POLDIP3: variants seen among roughly 807,000 people sequenced by gnomAD.
POLDIP3 encodes the protein polymerase delta-interacting protein 3.
In POLDIP3, 14 loss-of-function variants were observed where a neutral mutation model predicts 45.1. The observed-to-expected ratio is 0.31, with a 90% CI of 0.20 to 0.49. The LOEUF (loss-of-function observed/expected upper bound fraction) is 0.49, where lower values mean the gene tolerates loss of function less well. Among genes scored for constraint, POLDIP3 ranks in the 20% least tolerant of loss-of-function variants. The pLI is 0.99. For synonymous variants in POLDIP3, 223 were observed against 205.2 expected (o/e 1.09, Z -0.74); for missense variants, 511 against 538.8 (o/e 0.95, Z 0.51).
Position 42,584,679 on chromosome 22 carries a change from GC to G in POLDIP3, c.*1111del. 2 of 353,170 alleles carry G rather than the reference GC, an allele frequency of 5.7e-6. No homozygotes were observed. Among genetic ancestry groups the G allele is most frequent in the Non-Finnish European group, 1.1e-5 (2 of 180,482 alleles). The allele number at this position is 353,170 out of a possible 1,614,324, so 21.9% of individuals were successfully genotyped here. The stretch of plus-strand genomic sequence containing the variant: ...CTGGGGAAACACCTTGCCTGGTAGA[GC>G]TGCCCTGCTCCCTTGACTCCTCCTC... On this transcript the variant is annotated 3_prime_UTR_variant, in exon 9 of 9. Transcript: ENST00000252115.
intron 7 of POLDIP3, among the ~76,000 whole-genome samples, chr22:42,588,644 T>C (rs1925471908): frequency 6.7e-6 from 1 of 150,368 alleles, no homozygotes; most frequent in South Asian, 2.1e-4. Context: ...TTTTTTTTTT[T>C]TGAGATGGAG....
intron 1 of POLDIP3, among the ~76,000 whole-genome samples, chr22:42,609,772 G>A (rs1277525746): frequency 1.3e-5 from 2 of 152,172 alleles, no homozygotes; most frequent in Non-Finnish European, 2.9e-5. Context: ...GTTTAGGTGT[G>A]TGTTTAGGTC....
At chr22:42,591,851 A>T (rs1055656518) in intron 7 of POLDIP3, 104 bp downstream of exon 7, 1 of 1,474,316 alleles carries the variant, frequency 6.8e-7, no homozygotes. Flanking sequence ...GGCCCCAGAG[A>T]TGGGTTCCAC....
intron 8 of POLDIP3, 87 bp downstream of exon 8, chr22:42,587,419 G>C: frequency 1.5e-6 from 2 of 1,312,572 alleles, no homozygotes; most frequent in Non-Finnish European, 2.2e-6. Context: ...GGGATGAAGG[G>C]GAGCTGTGAT....
rs769021753 is a variant in POLDIP3, at chr22:42,603,024, G to T, written c.196C>A (p.Arg66=). 2 of 1,614,098 alleles carry T rather than the reference G, an allele frequency of 1.2e-6. No homozygotes were observed. The highest frequency in any genetic ancestry group is 2.2e-5 in the South Asian group (2 of 91,076). ...GCATCCTTGACTCCCAGTTTGAGCC[G>T]GGCATCTGAGAGGCCAATCTTCTGC... ...ARQKIGLSDA[R]LKLGVKDARE... is the part of the protein sequence containing the mutation. Residue 66 remains arginine (R), a synonymous_variant, in exon 2 of 9, where the codon CGG becomes AGG. Coordinates refer to ENST00000252115, the MANE Select transcript of POLDIP3 (RefSeq NM_032311.5).
At chr22:42,599,535 C>T (rs934064856) in intron 4 of POLDIP3, among the ~76,000 whole-genome samples, 163 bp downstream of exon 4, 16 of 152,094 alleles carry the variant, frequency 1.1e-4, no homozygotes, top group African/African-American at 3.1e-4. Flanking sequence ...ACCCAGGAGA[C>T]GGAGGTTGCA....
At chr22:42,610,037 A>G (rs1569306633) in intron 1 of POLDIP3, among the ~76,000 whole-genome samples, 1 of 152,014 alleles carries the variant, frequency 6.6e-6, no homozygotes. Context: ...AGCCGGGCGT[A>G]GTGGCCCATG....
Position 42,583,965 on chromosome 22 carries a change from T to G in POLDIP3, c.*1826A>C, listed in dbSNP as rs1187115016. ...CCAGATGGTCACCTATAGCACCAGC[T>G]CCAGATGGCCACGTGGCTGCAGCTG... On this transcript the variant is annotated 3_prime_UTR_variant, in exon 9 of 9. Coordinates refer to ENST00000252115, the MANE Select transcript of POLDIP3 (RefSeq NM_032311.5). 6.6e-6 allele frequency: 1 copy of G among 152,136 alleles called. No individual in the cohort carries two copies. The highest frequency in any genetic ancestry group is 1.5e-5 in the Non-Finnish European group (1 of 68,024). The allele number at this position is 152,136 out of a possible 1,614,324, so 9.4% of individuals were successfully genotyped here. A position where few individuals can be genotyped will look rare whatever the true frequency, so the allele number is the denominator to read the frequency against.
Position 42,595,617 on chromosome 22 carries a change from G to A in POLDIP3, c.814-3C>T. 6.2e-7 allele frequency: 1 copy of A among 1,613,532 alleles called. No individual in the cohort carries two copies. The highest frequency in any genetic ancestry group is 1.1e-5 in the South Asian group (1 of 91,052). ...CCTTCCAATGGGCTGAGAACAGGCT[G>A]CCACACAGACAAGAGCATTACCAGA... On this transcript the variant is annotated splice_region_variant and splice_polypyrimidine_tract_variant and intron_variant, in intron 5 of 8. Coordinates refer to ENST00000252115, the MANE Select transcript of POLDIP3 (RefSeq NM_032311.5).
chr22:42,599,602 C>T (rs554258787), intron 4 of POLDIP3, 96 bp downstream of exon 4: 55 of 914,000 alleles, frequency 6.0e-5, no homozygotes, highest in Non-Finnish European at 6.3e-5. Flanking sequence ...AGCGAGATGT[C>T]GTCTCAAAAC....
In POLDIP3 at chr22:42,592,058, G is replaced by T; in HGVS notation, c.918C>A (p.Leu306=). 1.2e-6 allele frequency: 2 copies of T among 1,614,246 alleles called. No homozygotes were observed. The highest frequency in any genetic ancestry group is 1.7e-6 in the Non-Finnish European group (2 of 1,180,038). The change falls in exon 7 of 9, where the codon CTC becomes CTA. Residue 306 remains leucine, a synonymous_variant. Coordinates refer to ENST00000252115, the MANE Select transcript of POLDIP3 (RefSeq NM_032311.5). ...CAGGATGGACCAGTCGAGCTCGCTT[G>T]AGGGCCCCACACACACAGAAAAGCT... ...IVELFCVCGA[L]KRARLVHPGV...
At chr22:42,596,545 CA>C (rs1161512179) in intron 4 of POLDIP3, among the ~76,000 whole-genome samples, 180 bp from the exon 5 acceptor site, 1 of 152,054 alleles carries the variant, frequency 6.6e-6, no homozygotes, top group Non-Finnish European at 1.5e-5. Flanking sequence ...AGGGAAGGGG[CA>C]GGGGGAGAGA....
intron 7 of POLDIP3, among the ~76,000 whole-genome samples, chr22:42,591,716 G>A (rs1304022704): frequency 6.6e-6 from 1 of 152,208 alleles, no homozygotes; most frequent in Non-Finnish European, 1.5e-5. Context: ...AACCATCCAT[G>A]GAGAAATGCT....
chr22:42,592,468 C>T lies in POLDIP3; in HGVS notation c.892-384G>A, dbSNP rs1358342307. ...TAATATGTCACCTGAGAATCTGTTA[C>T]AAATACAAATTCTGGAGTTCTACCC... On this transcript the variant is annotated intron_variant, in intron 6 of 8. Transcript: ENST00000252115. Among the ~76,000 whole-genome samples the T allele has an allele frequency of 3.3e-5, 5 of 152,226 alleles. No homozygotes were observed. The South Asian group carries it at 8.3e-4, about 25-fold the overall frequency.
chr22:42,614,390 T>G (rs1927329264), intron 1 of POLDIP3, among the ~76,000 whole-genome samples: 1 of 152,204 alleles, frequency 6.6e-6, no homozygotes, highest in Admixed American at 6.5e-5. Context: ...TCCCCGCTAC[T>G]AAACTTCGGT....
intron 7 of POLDIP3, among the ~76,000 whole-genome samples, chr22:42,588,190 T>C (rs946851928): frequency 6.6e-6 from 1 of 152,134 alleles, no homozygotes; most frequent in African/African-American, 2.4e-5. Context: ...GCGCGGTGGC[T>C]CACGCCTGTA....
intron 4 of POLDIP3, among the ~76,000 whole-genome samples, chr22:42,598,140 T>C (rs1442797153): frequency 6.7e-6 from 1 of 150,224 alleles, no homozygotes; most frequent in Non-Finnish European, 1.5e-5. Flanking sequence ...TGGAGTGCAG[T>C]GGCACAATCT....
intron 1 of POLDIP3, among the ~76,000 whole-genome samples, chr22:42,605,944 C>G (rs1411907515): frequency 1.3e-5 from 2 of 152,044 alleles, no homozygotes; most frequent in Admixed American, 1.3e-4. Flanking sequence ...GTGTTCAAGA[C>G]CTGCCTGGCC....
At chr22:42,614,735 T>G (rs1025627468) in intron 1 of POLDIP3, 64 bp downstream of exon 1, 1 of 1,563,006 alleles carries the variant, frequency 6.4e-7, no homozygotes, top group Non-Finnish European at 8.8e-7. Context: ...GATCGCTACC[T>G]CCCCCGCCTC....
Sources: gnomAD v4.1 joint callset for allele counts (sites outside exome capture counted in the v4.1 genomes callset) on GRCh38, gnomAD v4.1.1 for gene constraint, MANE v1.5 for transcripts, NCBI Gene and HGNC (gene_info 2026-07-23, HGNC 2026-07-21) for gene names.